The following COL26A1 variants were observed in gnomAD, a reference collection of about 807,000 sequenced individuals.
The protein encoded by COL26A1 is collagen type XXVI alpha 1 chain, also known as collagen alpha-1(XXVI) chain.
A neutral mutation model predicts 59.3 loss-of-function variants in COL26A1; 41 were observed. That is an observed-to-expected ratio of 0.69 (90% CI 0.54 to 0.90). The LOEUF is 0.90. Among genes scored for constraint, COL26A1 ranks in the 40% least tolerant of loss-of-function variants. COL26A1 has a pLI of 0.00. For synonymous variants in COL26A1, 266 were observed against 256.0 expected, an observed-to-expected ratio of 1.04 and a Z score of -0.37; for missense variants, 612 against 602.3, an observed-to-expected ratio of 1.02 and a Z score of -0.17.
At chr7:101,392,882 C>T (rs1791765665) in intron 1 of COL26A1, among the ~76,000 whole-genome samples, 1 of 151,826 alleles carries the variant, frequency 6.6e-6, no homozygotes, top group Admixed American at 6.6e-5. Flanking sequence ...GAGTGGCCCT[C>T]AAAGATAGGT....
chr7:101,401,013 C>T (rs985238650), intron 1 of COL26A1, among the ~76,000 whole-genome samples: 1 of 152,218 alleles, frequency 6.6e-6, no homozygotes, highest in African/African-American at 2.4e-5. Context: ...AGGTGGACAG[C>T]AGCACGTCTG....
At chr7:101,404,734 C>T (rs1241591293) in intron 1 of COL26A1, among the ~76,000 whole-genome samples, 1 of 152,162 alleles carries the variant, frequency 6.6e-6, no homozygotes, top group Non-Finnish European at 1.5e-5. Flanking sequence ...CCTGTCTCTA[C>T]AAAAACAAAG....
chr7:101,367,626 C>T (rs572747184), intron 1 of COL26A1, among the ~76,000 whole-genome samples: 2 of 150,908 alleles, frequency 1.3e-5, no homozygotes, highest in South Asian at 4.2e-4. Context: ...GATCATGCCA[C>T]TGCACTCCAG....
intron 3 of COL26A1, among the ~76,000 whole-genome samples, chr7:101,515,530 C>T (rs765163145): frequency 4.0e-5 from 6 of 151,844 alleles, no homozygotes; most frequent in African/African-American, 9.7e-5. Flanking sequence ...GTGATCTGCC[C>T]GCCTTGGTCT....
At chr7:101,399,083 T>C (rs534418351) in intron 1 of COL26A1, among the ~76,000 whole-genome samples, 30 of 151,980 alleles carry the variant, frequency 2.0e-4, no homozygotes, top group Admixed American at 4.6e-4. Context: ...GGGAGGAGGA[T>C]TGCTTGAGCC....
chr7:101,556,893 G>GTGGATGGATGGA (rs145625482), intron 12 of COL26A1, among the ~76,000 whole-genome samples: 1,532 of 146,636 alleles, frequency 0.01, 15 homozygotes, highest in Middle Eastern at 0.017. Context: ...GAATGACTGA[G>GTGGATGGATGGA]TGGATGGATG....
intron 3 of COL26A1, among the ~76,000 whole-genome samples, chr7:101,483,322 C>T (rs140382828): frequency 0.027 from 4,129 of 150,572 alleles, 77 homozygotes; most frequent in South Asian, 0.061. Context: ...CTCAGTCGCC[C>T]AAGTAGCTGG....
At chr7:101,398,624 T>G (rs890846219) in intron 1 of COL26A1, among the ~76,000 whole-genome samples, 2 of 152,170 alleles carry the variant, frequency 1.3e-5, no homozygotes, top group Admixed American at 1.3e-4. Context: ...CGTCGTGTGC[T>G]TCCGTGAGCC....
intron 1 of COL26A1, among the ~76,000 whole-genome samples, chr7:101,414,032 A>G (rs567981540): frequency 6.6e-6 from 1 of 152,092 alleles, no homozygotes; most frequent in South Asian, 2.1e-4. Flanking sequence ...GGACGCAGGG[A>G]TCCTAGGGGC....
At chr7:101,553,285 C>T in intron 10 of COL26A1, 41 bp from the exon 11 acceptor site, 2 of 1,594,346 alleles carry the variant, frequency 1.3e-6, no homozygotes, top group Non-Finnish European at 8.6e-7. Flanking sequence ...GAGGTGCCCC[C>T]ACCTCCCGTT....
intron 10 of COL26A1, 94 bp downstream of exon 10, chr7:101,551,237 G>GGGGGGGGGGGGGGC: frequency 5.2e-6 from 2 of 386,366 alleles, no homozygotes; most frequent in Non-Finnish European, 1.0e-5. Context: ...TGGTGGGGGG[G>GGGGGGGGGGGGGGC]TTCAGCCCTG....
chr7:101,508,973 C>A (rs1384650015), intron 3 of COL26A1, among the ~76,000 whole-genome samples: 1 of 152,122 alleles, frequency 6.6e-6, no homozygotes, highest in Non-Finnish European at 1.5e-5. Context: ...CCACTGCACT[C>A]TAGTCTGAGT....
intron 3 of COL26A1, among the ~76,000 whole-genome samples, chr7:101,522,285 C>T (rs1189558978): frequency 6.6e-6 from 1 of 152,200 alleles, no homozygotes; most frequent in Non-Finnish European, 1.5e-5. Context: ...TGCCTTGCAC[C>T]TGTGCCCAAC....
intron 3 of COL26A1, among the ~76,000 whole-genome samples, chr7:101,457,217 C>T (rs560944276): frequency 9.9e-5 from 15 of 151,992 alleles, no homozygotes; most frequent in Non-Finnish European, 1.8e-4. Context: ...GTCATGAGTC[C>T]GGGTGGGGTC....
chr7:101,509,097 C>A (rs1032045618), intron 3 of COL26A1, among the ~76,000 whole-genome samples: 2 of 152,118 alleles, frequency 1.3e-5, no homozygotes, highest in South Asian at 4.2e-4. Context: ...GCTGATGCGT[C>A]GCATAGCAAA....
At chr7:101,425,218 C>G (rs556445812) in intron 2 of COL26A1, among the ~76,000 whole-genome samples, 1 of 148,126 alleles carries the variant, frequency 6.8e-6, no homozygotes, top group South Asian at 2.1e-4. Flanking sequence ...AACCCTGTCT[C>G]TACTAAAAAT....
intron 3 of COL26A1, among the ~76,000 whole-genome samples, chr7:101,511,163 A>G (rs1337464293): frequency 1.3e-5 from 2 of 149,660 alleles, no homozygotes; most frequent in East Asian, 4.1e-4. Flanking sequence ...CGGCCTCCCA[A>G]AGTGCTGGGA....
intron 1 of COL26A1, among the ~76,000 whole-genome samples, chr7:101,374,214 G>A (rs529417239): frequency 5.9e-4 from 90 of 152,242 alleles, no homozygotes; most frequent in Admixed American, 2.3e-3. Flanking sequence ...CTTCTCTTCG[G>A]AGTCCTGTAA....
intron 3 of COL26A1, among the ~76,000 whole-genome samples, chr7:101,501,374 T>C (rs1444242735): frequency 6.6e-6 from 1 of 151,898 alleles, no homozygotes; most frequent in African/African-American, 2.4e-5. Flanking sequence ...CCATGGCCAC[T>C]GTGTTGGGCC....
Sources: gnomAD v4.1 joint callset for allele counts (sites outside exome capture counted in the v4.1 genomes callset) on GRCh38, gnomAD v4.1.1 for gene constraint, MANE v1.5 for transcripts, NCBI Gene and HGNC (gene_info 2026-07-23, HGNC 2026-07-21) for gene names.